Variants in YEATS4 observed in about 807,000 individuals in gnomAD.
YEATS4 encodes YEATS domain-containing protein 4.
Under a neutral mutation model 30.1 loss-of-function variants are expected in YEATS4, and 17 were observed. The observed-to-expected ratio is 0.56, with a 90% CI of 0.39 to 0.85. The LOEUF (loss-of-function observed/expected upper bound fraction) is 0.85, where lower values mean the gene tolerates loss of function less well. Ranked by LOEUF, YEATS4 falls within the 40% of genes least tolerant of loss-of-function variation. The pLI is 0.00. For missense variants in YEATS4, 142 were observed against 268.3 expected (o/e 0.53, Z 3.29); for synonymous variants, 85 against 87.5 (o/e 0.97, Z 0.16).
At chr12:69,362,395 T>G (rs534646497) in intron 1 of YEATS4, among the ~76,000 whole-genome samples, 69 of 152,314 alleles carry the variant, frequency 4.5e-4, no homozygotes, top group Admixed American at 1.6e-3. Flanking sequence ...ACTCCTAATA[T>G]TTATACTATA....
chr12:69,391,677 T>C (rs1868316761), downstream of YEATS4, among the ~76,000 whole-genome samples: 1 of 152,198 alleles, frequency 6.6e-6, no homozygotes, highest in Admixed American at 6.5e-5. Context: ...GTACTTTCAA[T>C]TGTGCCAGGC....
the YEATS4 span, among the ~76,000 whole-genome samples, chr12:69,400,431 C>CATAT: frequency 2.7e-5 from 4 of 148,960 alleles, no homozygotes; most frequent in South Asian, 6.3e-4. Flanking sequence ...ATATGTATGC[C>CATAT]ATATATATAT....
chr12:69,392,542 CTTTTA>C (rs1205332840), downstream of YEATS4, among the ~76,000 whole-genome samples: 1 of 152,172 alleles, frequency 6.6e-6, no homozygotes, highest in Non-Finnish European at 1.5e-5. Context: ...TTTTCCCATT[CTTTTA>C]TAAGTGGAAA....
chr12:69,424,998 C>T, the YEATS4 span, among the ~76,000 whole-genome samples: 1 of 152,272 alleles, frequency 6.6e-6, no homozygotes, highest in African/African-American at 2.4e-5. Context: ...CGGCTCACCA[C>T]AACCTCCGCC....
intron 6 of YEATS4, among the ~76,000 whole-genome samples, chr12:69,388,663 G>T (rs766118435): frequency 6.6e-6 from 1 of 152,214 alleles, no homozygotes; most frequent in Non-Finnish European, 1.5e-5. Context: ...CTGTTTTGCA[G>T]TAACATTTCT....
chr12:69,380,109 C>A (rs1201654449), intron 6 of YEATS4, among the ~76,000 whole-genome samples: 1 of 152,126 alleles, frequency 6.6e-6, no homozygotes, highest in Non-Finnish European at 1.5e-5. Flanking sequence ...TTATTTAGCT[C>A]GTTTGGTGAG....
chr12:69,406,441 C>T, the YEATS4 span, among the ~76,000 whole-genome samples: 42 of 152,272 alleles, frequency 2.8e-4, no homozygotes, highest in African/African-American at 9.4e-4. Flanking sequence ...GATTCTCCTA[C>T]GTCAGCCTCC....
At chr12:69,387,289 T>G (rs1868262957) in intron 6 of YEATS4, among the ~76,000 whole-genome samples, 1 of 152,224 alleles carries the variant, frequency 6.6e-6, no homozygotes, top group Non-Finnish European at 1.5e-5. Flanking sequence ...AATACTGTTT[T>G]TAACCTTTCA....
chr12:69,377,206 TACTA>T (rs562757748), intron 6 of YEATS4, among the ~76,000 whole-genome samples: 120 of 152,310 alleles, frequency 7.9e-4, no homozygotes, highest in African/African-American at 2.8e-3. Flanking sequence ...TTTTTTCCTC[TACTA>T]ACTTTGGGTT....
At chr12:69,387,493 T>A (rs1484560240) in intron 6 of YEATS4, among the ~76,000 whole-genome samples, 1 of 152,228 alleles carries the variant, frequency 6.6e-6, no homozygotes, top group Non-Finnish European at 1.5e-5. Context: ...ATACACATTA[T>A]TGCATTGTTT....
intron 2 of YEATS4, among the ~76,000 whole-genome samples, chr12:69,365,380 C>G (rs907009502): frequency 3.3e-5 from 5 of 149,578 alleles, no homozygotes; most frequent in African/African-American, 1.2e-4. Context: ...GAACCTGGGT[C>G]AGGGAAGTTG....
At chr12:69,380,341 G>A (rs1180725690) in intron 6 of YEATS4, among the ~76,000 whole-genome samples, 1 of 152,208 alleles carries the variant, frequency 6.6e-6, no homozygotes, top group Non-Finnish European at 1.5e-5. Context: ...TAATGCTGTG[G>A]TTCTTGCAGA....
chr12:69,374,908 G>C (rs866534956), intron 6 of YEATS4, among the ~76,000 whole-genome samples: 1 of 152,046 alleles, frequency 6.6e-6, no homozygotes, highest in Non-Finnish European at 1.5e-5. Flanking sequence ...CCTCCCAGAC[G>C]GGGTGGCGGC....
At chr12:69,385,379 TA>T (rs1876235730) in intron 6 of YEATS4, among the ~76,000 whole-genome samples, 1 of 152,184 alleles carries the variant, frequency 6.6e-6, no homozygotes, top group African/African-American at 2.4e-5. Context: ...ATCAAAGGTC[TA>T]AAAAATATGT....
the YEATS4 span, among the ~76,000 whole-genome samples, chr12:69,404,674 A>G: frequency 2.0e-5 from 3 of 152,170 alleles, no homozygotes; most frequent in African/African-American, 7.2e-5. Flanking sequence ...TAAATTACCC[A>G]GTCTGTTACT....
chr12:69,371,503 T>C (rs1486367898), intron 6 of YEATS4, among the ~76,000 whole-genome samples: 1 of 152,266 alleles, frequency 6.6e-6, no homozygotes, highest in African/African-American at 2.4e-5. Context: ...CGCATTAATC[T>C]GTGCATCTAT....
In YEATS4 at chr12:69,379,583, A is replaced by ATTTTT. The variant is rs61048163; in HGVS notation, c.514+8641_514+8645dup. Among the ~76,000 whole-genome samples, 149 of 72,294 alleles carry ATTTTT rather than the reference A, an allele frequency of 2.1e-3. 10 individuals are homozygous for ATTTTT. The highest frequency in any genetic ancestry group is 0.011 in the Middle Eastern group (1 of 94). The allele number at this position is 72,294 out of a possible 152,430, so 47.4% of individuals were successfully genotyped here. A position where few individuals can be genotyped will look rare whatever the true frequency, so the allele number is the denominator to read the frequency against. ...CACATGCCACCACTATGCCCAGCTA[A>ATTTTT]TTTTTTTTTTTTTTTTTTTTTTTTT... On this transcript the variant is annotated intron_variant, in intron 6 of 6. Coordinates refer to ENST00000247843, the MANE Select transcript of YEATS4 (RefSeq NM_006530.4).
the YEATS4 span, among the ~76,000 whole-genome samples, chr12:69,416,095 C>T: frequency 3.3e-5 from 5 of 152,170 alleles, no homozygotes; most frequent in East Asian, 5.8e-4. Context: ...CTCCCAGGCC[C>T]GCGGTCCTAC....
intron 2 of YEATS4, among the ~76,000 whole-genome samples, chr12:69,365,323 C>T (rs186016200): frequency 1.1e-3 from 166 of 151,846 alleles, no homozygotes; most frequent in Non-Finnish European, 1.8e-3. Context: ...TGGTGGCAGC[C>T]GCCTGTAATC....
Sources: gnomAD v4.1 joint callset for allele counts (sites outside exome capture counted in the v4.1 genomes callset) on GRCh38, gnomAD v4.1.1 for gene constraint, MANE v1.5 for transcripts, NCBI Gene and HGNC (gene_info 2026-07-23, HGNC 2026-07-21) for gene names.